Variants in PRR11 observed in about 807,000 individuals in gnomAD.
PRR11 encodes proline-rich protein 11.
In PRR11, 30 loss-of-function variants were observed where a neutral mutation model predicts 45.6. The ratio of observed to expected loss-of-function variants is 0.66; its 90% CI spans 0.49 to 0.89. The LOEUF (loss-of-function observed/expected upper bound fraction) is 0.89, where lower values mean the gene tolerates loss of function less well. PRR11 is among the 40% of genes least tolerant of loss of function. The probability of loss-of-function intolerance (pLI) is 0.00; values close to 1 mark genes in which losing one functional copy is unlikely to be tolerated. For missense variants in PRR11, 373 were observed against 424.8 expected (o/e 0.88, Z 1.07); for synonymous variants, 128 against 153.5 (o/e 0.83, Z 1.23).
At chr17:59,156,179 C>T (rs1444441541) in intron 1 of PRR11, among the ~76,000 whole-genome samples, 1 of 152,102 alleles carries the variant, frequency 6.6e-6, no homozygotes, top group Non-Finnish European at 1.5e-5. Context: ...TCAGAATATA[C>T]ATTTTAACAA....
intron 4 of PRR11, among the ~76,000 whole-genome samples, chr17:59,189,058 G>A (rs994516554): frequency 1.3e-5 from 2 of 151,024 alleles, no homozygotes; most frequent in African/African-American, 4.9e-5. Flanking sequence ...TATAACTTTG[G>A]GAGGCCAAGG....
intron 9 of PRR11, among the ~76,000 whole-genome samples, chr17:59,199,487 A>G (rs1202393238): frequency 6.6e-6 from 1 of 152,168 alleles, no homozygotes; most frequent in African/African-American, 2.4e-5. Flanking sequence ...ACATTCATAT[A>G]CAACCACATA....
chr17:59,165,474 C>T (rs1355714275), intron 1 of PRR11, among the ~76,000 whole-genome samples: 3 of 151,968 alleles, frequency 2.0e-5, no homozygotes, highest in Non-Finnish European at 1.5e-5. Context: ...ATAGCTCGGA[C>T]TACAGGCTTG....
chr17:59,176,448 G>A (rs973519914), intron 2 of PRR11, among the ~76,000 whole-genome samples: 4 of 152,102 alleles, frequency 2.6e-5, no homozygotes, highest in African/African-American at 7.2e-5. Context: ...CAGTGGATTC[G>A]AGTGATGCAA....
In PRR11 at chr17:59,203,224, G is replaced by GTTTGT. The variant is rs781137659; in HGVS notation, c.*1608_*1612dup. On this transcript the variant is annotated 3_prime_UTR_variant, in exon 10 of 10. Transcript: ENST00000262293. ...TATAGAGATTTTTGTTTGTTTGTTT[G>GTTTGT]TTTGTTTTGTTTTGTTTTGAGATGA... Among the ~76,000 whole-genome samples the GTTTGT allele has an allele frequency of 4.3e-4, 65 of 151,990 alleles. No individual in the cohort carries two copies. Among genetic ancestry groups the GTTTGT allele is most frequent in the African/African-American group, 1.5e-3 (63 of 41,418 alleles).
rs2046776775 is a variant in PRR11, at chr17:59,180,501, T to TTTTTTGTTG, written c.129-4548_129-4547insGTTGTTTTT. 6.0e-5 allele frequency among the ~76,000 whole-genome samples: 7 copies of TTTTTTGTTG among 116,214 alleles called. No individual in the cohort carries two copies. The South Asian group carries it at 9.3e-4, about 15-fold the overall frequency. The allele number at this position is 116,214 out of a possible 152,430, so 76.2% of individuals were successfully genotyped here. On this transcript the variant is annotated intron_variant, in intron 2 of 9. Transcript: ENST00000262293. ...TGACTTCTGGGCCCGTCCTTGTTTT[T>TTTTTTGTTG]TTTTTTTTGTTTTTTTTGTTTTTTT...
chr17:59,163,245 G>T (rs1223856078), intron 1 of PRR11, among the ~76,000 whole-genome samples: 2 of 151,896 alleles, frequency 1.3e-5, no homozygotes, highest in Non-Finnish European at 2.9e-5. Flanking sequence ...CACATGCCTG[G>T]CTAAATTTTG....
In PRR11 at chr17:59,205,112, A is replaced by G. The variant is rs1599711944; in HGVS notation, c.*3481A>G. 1.3e-5 allele frequency among the ~76,000 whole-genome samples: 2 copies of G among 152,302 alleles called. No homozygotes were observed. The highest frequency in any genetic ancestry group is 2.9e-5 in the Non-Finnish European group (2 of 68,016). On this transcript the variant is annotated 3_prime_UTR_variant, in exon 10 of 10. Transcript: ENST00000262293. ...TCCTGTGGAAATCATATAGACAAAC[A>G]TTTGCAAAGCTGCTACTGCCATTGT...
At chr17:59,164,262 G>A (rs775854971) in intron 1 of PRR11, among the ~76,000 whole-genome samples, 3 of 152,034 alleles carry the variant, frequency 2.0e-5, no homozygotes, top group South Asian at 2.1e-4. Flanking sequence ...TTACAAAAAA[G>A]GTTTGTTGAC....
In PRR11 at chr17:59,163,889, A is replaced by T. The variant is rs546618796; in HGVS notation, c.-5-5859A>T. 1.4e-4 allele frequency among the ~76,000 whole-genome samples: 22 copies of T among 152,002 alleles called. No individual in the cohort carries two copies. In the South Asian group the frequency reaches 4.6e-3, roughly 32 times the overall value. On this transcript the variant is annotated intron_variant, in intron 1 of 9. Transcript: ENST00000262293. ...AGACCAGCCTGGCCAAGATGGGGAAACCCCGTCTCTACTAAAAATACAAAA... is the reference window on the plus strand; with the variant it reads ...AGACCAGCCTGGCCAAGATGGGGAATCCCCGTCTCTACTAAAAATACAAAA...
chr17:59,170,998 G>A (rs1186684458), intron 2 of PRR11, among the ~76,000 whole-genome samples: 1 of 152,170 alleles, frequency 6.6e-6, no homozygotes, highest in African/African-American at 2.4e-5. Flanking sequence ...GGTGGCTCAT[G>A]CCCGTAATCC....
At chr17:59,179,947 C>T (rs1047069356) in intron 2 of PRR11, 234 of 1,242,896 alleles carry the variant, frequency 1.9e-4, no homozygotes, top group Non-Finnish European at 2.5e-4. Flanking sequence ...AGACCCAAAA[C>T]GCCAAACCAC....
rs191053066 is a variant in PRR11, at chr17:59,162,380, A to G, written c.-6+6575A>G. 1.0e-3 allele frequency among the ~76,000 whole-genome samples: 159 copies of G among 152,322 alleles called. 1 individual carries two copies. Among genetic ancestry groups the G allele is most frequent in the African/African-American group, 3.6e-3 (151 of 41,564 alleles). ...GAAATTTGTATGCATAGACACTGGA[A>G]CAGCCAACAGGAAAGGACTAGAAAG... On this transcript the variant is annotated intron_variant, in intron 1 of 9. Coordinates refer to ENST00000262293, the MANE Select transcript of PRR11 (RefSeq NM_018304.4).
intron 1 of PRR11, among the ~76,000 whole-genome samples, chr17:59,166,997 A>G (rs1378629704): frequency 1.3e-5 from 2 of 151,986 alleles, no homozygotes; most frequent in South Asian, 4.1e-4. Flanking sequence ...CCCCGTCCCC[A>G]CTAAAAATAC....
chr17:59,165,585 G>T (rs962798950), intron 1 of PRR11, among the ~76,000 whole-genome samples: 1 of 151,952 alleles, frequency 6.6e-6, no homozygotes, highest in African/African-American at 2.4e-5. Context: ...TTGAGGTCGG[G>T]AGTTCCAGAC....
rs984213382 is a variant in PRR11, at chr17:59,185,089, G to T, written c.164G>T (p.Arg55Ile). 2.5e-6 allele frequency: 4 copies of T among 1,612,606 alleles called. No individual in the cohort carries two copies. The African/African-American group carries it at 5.3e-5, about 22-fold the overall frequency. ...TCTTCAATAGATATATCTCAAAGCA[G>T]AAGCTGGCTAACATCATCCTGGAAC... ...GISSIDISQS[R>I]SWLTSSWNFN... is the part of the protein sequence containing the mutation. The change falls in exon 3 of 10, where the codon AGA becomes ATA. Residue 55 changes from arginine (R) to isoleucine (I), a missense_variant. By Grantham distance (97) the Arg-to-Ile change is moderately conservative. Transcript: ENST00000262293.
intron 2 of PRR11, chr17:59,178,675 CTT>C: frequency 2.1e-6 from 1 of 486,844 alleles, no homozygotes; most frequent in Non-Finnish European, 4.1e-6. Flanking sequence ...AGGAGAATGA[CTT>C]TCACTGGGCA....
chr17:59,194,265 C>CCACACACACACA (rs1277044945), intron 5 of PRR11, among the ~76,000 whole-genome samples: 50 of 90,490 alleles, frequency 5.5e-4, no homozygotes, highest in African/African-American at 3.1e-3. Flanking sequence ...TCTTCCCAAT[C>CCACACACACACA]CTCACACACA....
chr17:59,194,786 G>A lies in PRR11; in HGVS notation c.675G>A (p.Met225Ile). ...GACCATTAAAAAAAGATGGACCCAT[G>A]CAGATAACAGTTAAAGATCTGCTGA... is the stretch of plus-strand genomic sequence containing the variant. Reference protein sequence around the residue: ...QAGPLKKDGPMQITVKDLLTV... With the variant: ...QAGPLKKDGPIQITVKDLLTV... The change falls in exon 6 of 10, where the codon ATG (methionine) becomes ATA (isoleucine). Residue 225 changes from methionine to isoleucine, a missense_variant. Met to Ile is a conservative substitution (Grantham distance 10). Transcript: ENST00000262293. 1 of 1,613,814 alleles carries A rather than the reference G, an allele frequency of 6.2e-7. No individual in the cohort carries two copies. The highest frequency in any genetic ancestry group is 8.5e-7 in the Non-Finnish European group (1 of 1,179,828).
Sources: gnomAD v4.1 joint callset for allele counts (sites outside exome capture counted in the v4.1 genomes callset) on GRCh38, gnomAD v4.1.1 for gene constraint, MANE v1.5 for transcripts, NCBI Gene and HGNC (gene_info 2026-07-23, HGNC 2026-07-21) for gene names.